POTEF: variants seen among roughly 807,000 people sequenced by gnomAD.
POTEF encodes the protein POTE ankyrin domain family member F.
Under a neutral mutation model 83.2 loss-of-function variants are expected in POTEF, and 20 were observed. That is an observed-to-expected ratio of 0.24 (90% CI 0.17 to 0.35). POTEF has a LOEUF of 0.35. POTEF is among the 10% of genes least tolerant of loss of function. POTEF has a pLI of 1.00. For missense variants in POTEF, 550 were observed against 1,203.2 expected, an observed-to-expected ratio of 0.46 and a Z score of 8.03; for synonymous variants, 196 against 446.4, an observed-to-expected ratio of 0.44 and a Z score of 7.07.
intron 5 of POTEF, among the ~76,000 whole-genome samples, 174 bp downstream of exon 5, chr2:130,114,698 CCCTCTAATG>C (rs1684796710): frequency 6.6e-6 from 1 of 151,590 alleles, no homozygotes; most frequent in Admixed American, 6.6e-5. Context: ...AAAAACTGTA[CCCTCTAATG>C]CTTCTTTGAA....
chr2:130,120,702 C>T (rs1449339420), intron 2 of POTEF, 94 bp from the exon 3 acceptor site: 1 of 990,252 alleles, frequency 1.0e-6, no homozygotes, highest in African/African-American at 1.7e-5. Context: ...AACCCACACC[C>T]ACCCGAGGAA....
intron 8 of POTEF, among the ~76,000 whole-genome samples, chr2:130,103,090 TTTTC>T (rs1314886715): frequency 0.035 from 4,578 of 130,400 alleles, 325 homozygotes; most frequent in African/African-American, 0.13. Flanking sequence ...TTATTTTCAT[TTTTC>T]TTTCTTTCTT....
chr2:130,116,049 A>G (rs1237065590), intron 3 of POTEF, among the ~76,000 whole-genome samples: 1 of 152,142 alleles, frequency 6.6e-6, no homozygotes, highest in Non-Finnish European at 1.5e-5. Context: ...GGGCGGTTCC[A>G]GTCAGATGAC....
rs1685130862 is a variant in POTEF, at chr2:130,127,689, C to T, written c.-94+20G>A. The T allele has an allele frequency of 6.6e-6, 1 of 152,576 alleles. No homozygotes were observed. The highest frequency in any genetic ancestry group is 1.5e-5 in the Non-Finnish European group (1 of 68,058). The allele number at this position is 152,576 out of a possible 1,614,324, so 9.5% of individuals were successfully genotyped here. On this transcript the variant is annotated intron_variant, in intron 2 of 16. Transcript: ENST00000409914. ...CCCTACAAGGTTCCTACCACCTTGCCCCCGCGGGCACCCTCCTACCACTCC... is the reference window on the plus strand; with the variant it reads ...CCCTACAAGGTTCCTACCACCTTGCTCCCGCGGGCACCCTCCTACCACTCC...
At chr2:130,103,941 G>A (rs1156352230) in intron 8 of POTEF, among the ~76,000 whole-genome samples, 2 of 140,096 alleles carry the variant, frequency 1.4e-5, no homozygotes, top group East Asian at 2.1e-4. Flanking sequence ...TGGAGAGTGG[G>A]GCAGAAGTCA....
At chr2:130,108,319 A>G (rs1385949688) in intron 7 of POTEF, among the ~76,000 whole-genome samples, 1 of 151,656 alleles carries the variant, frequency 6.6e-6, no homozygotes, top group Non-Finnish European at 1.5e-5. Context: ...TAAATTAGCT[A>G]GCATTAGCAT....
At chr2:130,129,019 G>A (rs1284234680) in intron 1 of POTEF, 53 bp downstream of exon 1, 3 of 110,838 alleles carry the variant, frequency 2.7e-5, no homozygotes, top group Non-Finnish European at 1.9e-5. Context: ...AGCCCCAATA[G>A]GACACCCAAC....
intron 8 of POTEF, among the ~76,000 whole-genome samples, chr2:130,103,689 A>T (rs1431895028): frequency 6.6e-6 from 1 of 150,926 alleles, no homozygotes; most frequent in Non-Finnish European, 1.5e-5. Context: ...GAATTAAAAT[A>T]AAGCATGTCA....
chr2:130,118,846 A>G (rs940167870), intron 3 of POTEF, among the ~76,000 whole-genome samples: 5 of 151,580 alleles, frequency 3.3e-5, no homozygotes, highest in Non-Finnish European at 7.4e-5. Flanking sequence ...TTCTCCAAAC[A>G]TGAATTATGA....
At chr2:130,109,864 G>C (rs913445460) in intron 7 of POTEF, 2 of 151,826 alleles carry the variant, frequency 1.3e-5, no homozygotes, top group Admixed American at 6.5e-5. Flanking sequence ...CCAGCGGCCA[G>C]AGCAGGGGGC....
chr2:130,120,417 G>C lies in POTEF; in HGVS notation c.99C>G (p.Pro33=). ...KMGKWCCRCF[P]CCRESGKSNV... ...TGCTCTTGCCGCTCTCCCTGCAGCA[G>C]GGGAAGCAACGGCAGCACCACTTGC... Residue 33 remains proline (P), a synonymous_variant, in exon 3 of 17, where the codon CCC becomes CCG. Transcript: ENST00000409914. 6.2e-7 allele frequency: 1 copy of C among 1,613,036 alleles called. No homozygotes were observed. Among genetic ancestry groups the C allele is most frequent in the Non-Finnish European group, 8.5e-7 (1 of 1,179,582 alleles).
At chr2:130,076,037 G>A (rs1308966538) in intron 16 of POTEF, among the ~76,000 whole-genome samples, 1 of 114,430 alleles carries the variant, frequency 8.7e-6, no homozygotes, top group Non-Finnish European at 1.8e-5. Context: ...TTGGACAGAA[G>A]CAATTTCTCA....
chr2:130,093,117 G>A (rs575267338), intron 12 of POTEF, among the ~76,000 whole-genome samples: 4,657 of 143,588 alleles, frequency 0.032, 355 homozygotes, highest in African/African-American at 0.12. Context: ...GATCTAGGTT[G>A]TGTGCTTCGT....
chr2:130,117,930 CATTCCTTTTTTTTTT>C (rs1469991425), intron 3 of POTEF, among the ~76,000 whole-genome samples: 37 of 134,258 alleles, frequency 2.8e-4, no homozygotes, highest in Non-Finnish European at 4.9e-4. Flanking sequence ...AACAGTATTT[CATTCCTTTTTTTTTT>C]CTTTTTTTTT....
chr2:130,128,113 G>A (rs1652112679), intron 1 of POTEF, among the ~76,000 whole-genome samples: 3 of 147,850 alleles, frequency 2.0e-5, no homozygotes, highest in Non-Finnish European at 4.4e-5. Context: ...GCAGGAGTAG[G>A]AGAAACTCAG....
At chr2:130,103,729 G>C (rs1342487844) in intron 8 of POTEF, among the ~76,000 whole-genome samples, 2 of 149,052 alleles carry the variant, frequency 1.3e-5, no homozygotes, top group Non-Finnish European at 2.9e-5. Context: ...ACATGCCCAA[G>C]CAGAGACTTA....
chr2:130,110,153 G>A (rs565579973), intron 7 of POTEF, among the ~76,000 whole-genome samples: 1 of 151,620 alleles, frequency 6.6e-6, no homozygotes, highest in African/African-American at 2.4e-5. Flanking sequence ...AATTCAAGGA[G>A]TATGTAGGAC....
chr2:130,123,265 GTC>G, intron 2 of POTEF, among the ~76,000 whole-genome samples: 1 of 146,738 alleles, frequency 6.8e-6, no homozygotes, highest in Middle Eastern at 3.4e-3. Flanking sequence ...TTGAACTGTG[GTC>G]TCTCGGAACA....
rs534106306 is a variant in POTEF at position 130,122,289 on chromosome 2, TTTTAA to T, written c.-93-1686_-93-1682del. On this transcript the variant is annotated intron_variant, in intron 2 of 16. Coordinates refer to ENST00000409914, the MANE Select transcript of POTEF (RefSeq NM_001099771.2). ...AATACTTTTATGTGTAAGGCATTTG[TTTTAA>T]TTTATTTTTGGTGTATACATAGGAG... 2.3e-3 allele frequency among the ~76,000 whole-genome samples: 351 copies of T among 150,932 alleles called. 3 individuals carry two copies. The highest frequency in any genetic ancestry group is 7.5e-3 in the African/African-American group (305 of 40,790).
Sources: gnomAD v4.1 joint callset for allele counts (sites outside exome capture counted in the v4.1 genomes callset) on GRCh38, gnomAD v4.1.1 for gene constraint, MANE v1.5 for transcripts, NCBI Gene and HGNC (gene_info 2026-07-23, HGNC 2026-07-21) for gene names.